LZTS2: variants seen among roughly 807,000 people sequenced by gnomAD.
LZTS2 encodes the protein leucine zipper tumor suppressor 2.
A neutral mutation model predicts 60.6 loss-of-function variants in LZTS2; 32 were observed. That is an observed-to-expected ratio of 0.53 (90% CI 0.40 to 0.71). The LOEUF is 0.71. LZTS2 is among the 30% of genes least tolerant of loss of function. The pLI is 0.00. For missense variants in LZTS2, 792 were observed against 901.9 expected (o/e 0.88, Z 1.56); for synonymous variants, 360 against 393.1 (o/e 0.92, Z 1.00).
chr10:101,006,707 C>T lies in LZTS2; in HGVS notation c.1549C>T (p.Arg517Cys), dbSNP rs1256704359. The change falls in exon 4 of 4, where the codon CGC becomes TGC. Residue 517 changes from arginine to cysteine, a missense_variant. Physicochemically the swap from Arg to Cys is radical, Grantham distance 180. Coordinates refer to ENST00000370220, the Ensembl canonical transcript of LZTS2. Reference sequence around the variant, plus strand: ...CTGTTCCCAGGAGCTGCAGCGACACCGCCAGGAAGCTGAGCAGCTGCGGGA... The same window carrying T: ...CTGTTCCCAGGAGCTGCAGCGACACTGCCAGGAAGCTGAGCAGCTGCGGGA... 6 of 1,600,660 alleles carry T rather than the reference C, an allele frequency of 3.7e-6. No homozygotes were observed. Among genetic ancestry groups the T allele is most frequent in the Admixed American group, 1.7e-5 (1 of 58,286 alleles).
chr10:101,004,260 G>T, intron 2 of LZTS2, 94 bp downstream of exon 3: 11 of 1,398,226 alleles, frequency 7.9e-6, no homozygotes, highest in Non-Finnish European at 9.6e-6. Flanking sequence ...GGGAACGGGG[G>T]TTGGGTAGTT....
chr10:101,007,240 G>A (rs1590040980), exon 4 of LZTS2: 2 of 1,456,692 alleles, frequency 1.4e-6, no homozygotes, highest in Non-Finnish European at 1.8e-6. Flanking sequence ...TAGGCCCCAG[G>A]GTCCACGGAT....
chr10:101,007,450 G>C, exon 4 of LZTS2: 2 of 1,469,114 alleles, frequency 1.4e-6, no homozygotes, highest in South Asian at 1.2e-5. Flanking sequence ...TGCCAACCCT[G>C]TTCACAGGCG....
chr10:100,998,157 C>T (rs1183827457), upstream of LZTS2, among the ~76,000 whole-genome samples: 1 of 152,180 alleles, frequency 6.6e-6, no homozygotes, highest in South Asian at 2.1e-4. Flanking sequence ...AGTGGGCCTG[C>T]CCCCCTAGAA....
At chr10:101,007,384 G>A in exon 4 of LZTS2, 1 of 1,424,180 alleles carries the variant, frequency 7.0e-7, no homozygotes, top group Non-Finnish European at 9.2e-7. Flanking sequence ...CGTGTTCACT[G>A]TTACCCAGAG....
At chr10:100,998,299 AAG>A (rs1851955170), upstream of LZTS2, 2 of 152,764 alleles carry the variant, frequency 1.3e-5, no homozygotes, top group African/African-American at 4.8e-5. Flanking sequence ...GGCTGCCAGA[AAG>A]AGGAGGAGGC....
chr10:101,005,425 G>A, intron 2 of LZTS2, 33 bp from the exon 4 acceptor site: 1 of 1,515,482 alleles, frequency 6.6e-7, no homozygotes, highest in Non-Finnish European at 8.8e-7. Context: ...TGGGAAAACT[G>A]CCCAGGAGCC....
chr10:101,004,485 C>T lies in LZTS2; in HGVS notation c.1068+319C>T, dbSNP rs560616698. 7.9e-5 allele frequency among the ~76,000 whole-genome samples: 12 copies of T among 152,304 alleles called. No homozygotes were observed. In the South Asian group the frequency reaches 2.5e-3, roughly 32 times the overall value. ...AAGTGTGGTGGCATGTACCTGTAGT[C>T]CCAGCTACTTGGGAGGCTGAGGTGG... On this transcript the variant is annotated intron_variant, in intron 2 of 3. Transcript: ENST00000370220.
chr10:101,007,118 G>A lies in LZTS2; in HGVS notation c.1960G>A (p.Glu654Lys), dbSNP rs183747098. 2.6e-4 allele frequency: 424 copies of A among 1,609,704 alleles called. 1 individual carries two copies. The highest frequency in any genetic ancestry group is 1.3e-3 in the Middle Eastern group (8 of 5,998). The change falls in exon 4 of 4, where the codon GAG (glutamate) becomes AAG (lysine). Residue 654 changes from glutamate to lysine, a missense_variant. Physicochemically the swap from Glu to Lys is moderately conservative, Grantham distance 56. Coordinates refer to ENST00000370220, the Ensembl canonical transcript of LZTS2. ...GGAGCTCGCTGACCTGGGCCTGGCC[G>A]AGCAGGCCCCCTGCATCTGCCTGGA...
chr10:101,005,348 T>C (rs1852148737), intron 2 of LZTS2, 110 bp from the exon 4 acceptor site: 2 of 1,248,622 alleles, frequency 1.6e-6, no homozygotes, highest in Non-Finnish European at 2.2e-6. Flanking sequence ...ACTATTGTTG[T>C]TTAATGGAAT....
chr10:101,003,719 C>T, exon 2 of LZTS2: 1 of 1,613,200 alleles, frequency 6.2e-7, no homozygotes, highest in Non-Finnish European at 8.5e-7. Flanking sequence ...CATTTAGTGG[C>T]TGGGCCAGTG....
At chr10:101,006,812 C>T (rs754460590) in exon 4 of LZTS2, 13 of 1,543,206 alleles carry the variant, frequency 8.4e-6, no homozygotes, top group Admixed American at 1.9e-5. Flanking sequence ...CCCATTCCTC[C>T]TGGCAGAGAG....
chr10:101,005,685 C>T (rs749872733), exon 3 of LZTS2: 13 of 1,598,544 alleles, frequency 8.1e-6, no homozygotes, highest in East Asian at 2.3e-5. Context: ...AGCGGGAGCT[C>T]GGGCCGAGGC....
exon 4 of LZTS2, chr10:101,007,715 C>T: frequency 1.0e-6 from 1 of 961,504 alleles, no homozygotes; most frequent in Non-Finnish European, 1.3e-6. Context: ...TGTTTGTGAC[C>T]AAGCAGCCTC....
At chr10:101,003,406 A>C (rs1287021543) in intron 1 of LZTS2, 101 bp from the exon 3 acceptor site, 1 of 1,265,560 alleles carries the variant, frequency 7.9e-7, no homozygotes, top group East Asian at 2.4e-5. Flanking sequence ...TGTTATGAAT[A>C]TATGGGCACT....
At chr10:100,997,340 G>A (rs1851937436), upstream of LZTS2, 2 of 152,178 alleles carry the variant, frequency 1.3e-5, no homozygotes, top group African/African-American at 4.8e-5. Flanking sequence ...GGTGAGGAGG[G>A]GGGTCCGCAC....
At chr10:101,006,692 G>C in exon 4 of LZTS2, 1 of 1,597,756 alleles carries the variant, frequency 6.3e-7, no homozygotes, top group Admixed American at 1.7e-5. Flanking sequence ...CTGTTCCCAG[G>C]AGCTGCAGCG....
chr10:101,007,493 A>G lies in LZTS2; in HGVS notation c.*325A>G, dbSNP rs772899370. On this transcript the variant is annotated 3_prime_UTR_variant, in exon 4 of 4. Transcript: ENST00000370220. Reference sequence around the variant, plus strand: ...CCCACTCCAGCCAGGGGAGCAGGGAAGAAGAAGGGGCTCCCTCCTCTTCAC... The same window carrying G: ...CCCACTCCAGCCAGGGGAGCAGGGAGGAAGAAGGGGCTCCCTCCTCTTCAC... 1.2e-5 allele frequency: 17 copies of G among 1,396,762 alleles called. No homozygotes were observed. In the South Asian group the frequency reaches 1.8e-4, roughly 15 times the overall value. The allele number at this position is 1,396,762 out of a possible 1,614,324, so 86.5% of individuals were successfully genotyped here. A position where few individuals can be genotyped will look rare whatever the true frequency, so the allele number is the denominator to read the frequency against.
exon 4 of LZTS2, chr10:101,006,953 G>A (rs1387444324): frequency 6.5e-7 from 1 of 1,545,848 alleles, no homozygotes; most frequent in East Asian, 2.4e-5. Flanking sequence ...CTTTGAGGGG[G>A]AGCGGCTGGC....
Sources: gnomAD v4.1 joint callset for allele counts (sites outside exome capture counted in the v4.1 genomes callset) on GRCh38, gnomAD v4.1.1 for gene constraint, MANE v1.5 for transcripts, NCBI Gene and HGNC (gene_info 2026-07-23, HGNC 2026-07-21) for gene names.